Variants in CSRNP3 observed in about 807,000 individuals in gnomAD.
CSRNP3 encodes the protein cysteine/serine-rich nuclear protein 3.
Under a neutral mutation model 48.0 loss-of-function variants are expected in CSRNP3, and 12 were observed. The ratio of observed to expected loss-of-function variants is 0.25; its 90% CI spans 0.16 to 0.41. The LOEUF (loss-of-function observed/expected upper bound fraction) is 0.41, where lower values mean the gene tolerates loss of function less well. CSRNP3 is among the 10% of genes least tolerant of loss of function. CSRNP3 has a pLI of 1.00. For synonymous variants in CSRNP3, 263 were observed against 269.7 expected (o/e 0.98, Z 0.24); for missense variants, 580 against 724.4 (o/e 0.80, Z 2.29).
At chr2:165,537,049 C>G (rs962256577) in intron 3 of CSRNP3, among the ~76,000 whole-genome samples, 2 of 151,686 alleles carry the variant, frequency 1.3e-5, no homozygotes, top group Non-Finnish European at 2.9e-5. Flanking sequence ...CCTTTCCTCC[C>G]TTTATCTCTC....
Position 165,553,874 on chromosome 2 carries a change from A to G in CSRNP3, c.-24+35913A>G, listed in dbSNP as rs948296566. Among the ~76,000 whole-genome samples, 7 of 152,284 alleles carry G rather than the reference A, an allele frequency of 4.6e-5. No homozygotes were observed. In the East Asian group the frequency reaches 7.7e-4, roughly 17 times the overall value. On this transcript the variant is annotated intron_variant, in intron 3 of 6. Transcript: ENST00000651982. ...CAGCATATAAATATACTGGCTTTTA[A>G]AAAAATTTACAAATGAAAAGTTTCC...
chr2:165,666,297 AAGAG>A (rs557006901), intron 5 of CSRNP3, among the ~76,000 whole-genome samples: 1 of 126,722 alleles, frequency 7.9e-6, no homozygotes, highest in South Asian at 2.9e-4. Flanking sequence ...GAGAGGAAGA[AAGAG>A]AGAGGAAGGA....
intron 4 of CSRNP3, among the ~76,000 whole-genome samples, chr2:165,649,067 G>A (rs915696062): frequency 2.6e-5 from 4 of 152,136 alleles, no homozygotes; most frequent in Non-Finnish European, 2.9e-5. Flanking sequence ...GGATGACGAC[G>A]TGACATGCAT....
chr2:165,578,889 A>G (rs1685496210), intron 3 of CSRNP3, among the ~76,000 whole-genome samples: 1 of 152,134 alleles, frequency 6.6e-6, no homozygotes. Context: ...GTACTCTGAC[A>G]TTTACAAGCC....
At chr2:165,527,966 A>AAGAG (rs946041237) in intron 3 of CSRNP3, among the ~76,000 whole-genome samples, 2 of 151,424 alleles carry the variant, frequency 1.3e-5, no homozygotes, top group Admixed American at 1.3e-4. Flanking sequence ...AAAGAGAAAA[A>AAGAG]AGAGAGAGAG....
intron 5 of CSRNP3, among the ~76,000 whole-genome samples, chr2:165,667,050 G>GA (rs376648708): frequency 1.2e-4 from 1 of 8,610 alleles, no homozygotes; most frequent in Non-Finnish European, 2.6e-4. Context: ...AAGAGAGAGA[G>GA]AAAGGAAGGA....
chr2:165,613,235 C>T (rs1318992423), intron 4 of CSRNP3, among the ~76,000 whole-genome samples: 1 of 152,092 alleles, frequency 6.6e-6, no homozygotes, highest in African/African-American at 2.4e-5. Context: ...AGAAAAATAA[C>T]TGTTCAGATC....
rs747366779 is a variant in CSRNP3, at chr2:165,679,221, T to G, written c.1226T>G (p.Val409Gly). ...THAEVVPLPS[V>G]LCYSDGTAVH... Reference sequence around the variant, plus strand: ...GCCGAAGTTGTCCCTCTTCCTTCAGTTCTTTGTTATTCTGATGGCACCGCC... The same window carrying G: ...GCCGAAGTTGTCCCTCTTCCTTCAGGTCTTTGTTATTCTGATGGCACCGCC... The change falls in exon 7 of 7, where the codon GTT becomes GGT. Residue 409 changes from valine to glycine, a missense_variant. Physicochemically the swap from Val to Gly is moderately radical, Grantham distance 109. This residue lies in a region of CSRNP3 where 369 missense variants were observed against 380.8 expected (regional missense o/e 0.97). Coordinates refer to ENST00000651982, the MANE Select transcript of CSRNP3 (RefSeq NM_001172173.2). 4.3e-6 allele frequency: 7 copies of G among 1,613,810 alleles called. No homozygotes were observed. In the African/African-American group the frequency reaches 6.7e-5, roughly 15 times the overall value.
intron 4 of CSRNP3, among the ~76,000 whole-genome samples, chr2:165,654,393 A>G (rs1211635585): frequency 5.9e-5 from 9 of 152,244 alleles, no homozygotes; most frequent in Non-Finnish European, 1.2e-4. Flanking sequence ...GAATATATAC[A>G]TAAATAAATG....
At chr2:165,505,697 T>A (rs934748867) in intron 2 of CSRNP3, among the ~76,000 whole-genome samples, 2 of 152,206 alleles carry the variant, frequency 1.3e-5, no homozygotes, top group Admixed American at 1.3e-4. Context: ...GAGGTTTTTT[T>A]AATTTAAATT....
At chr2:165,520,786 T>TATACATATATATATATATTATATAC (rs1553472389) in intron 3 of CSRNP3, among the ~76,000 whole-genome samples, 40 of 4,894 alleles carry the variant, frequency 8.2e-3, no homozygotes, top group African/African-American at 0.039. Flanking sequence ...ATATATATTA[T>TATACATATATATATATATTATATAC]ATATATATAT....
At chr2:165,639,240 G>A (rs1404233084) in intron 4 of CSRNP3, among the ~76,000 whole-genome samples, 2 of 152,150 alleles carry the variant, frequency 1.3e-5, no homozygotes, top group African/African-American at 2.4e-5. Context: ...TGCAAATAAT[G>A]TGGCACTAAG....
At chr2:165,581,184 T>C (rs992070582) in intron 3 of CSRNP3, among the ~76,000 whole-genome samples, 4 of 152,192 alleles carry the variant, frequency 2.6e-5, no homozygotes, top group African/African-American at 9.6e-5. Context: ...TGCCAAATGA[T>C]GATCAATGTT....
At chr2:165,520,809 A>C (rs1169692493) in intron 3 of CSRNP3, among the ~76,000 whole-genome samples, 1 of 29,368 alleles carries the variant, frequency 3.4e-5, no homozygotes, top group Non-Finnish European at 6.2e-5. Flanking sequence ...ATATATATAT[A>C]TATATATATA....
At chr2:165,533,581 G>C (rs1684843915) in intron 3 of CSRNP3, among the ~76,000 whole-genome samples, 1 of 152,072 alleles carries the variant, frequency 6.6e-6, no homozygotes, top group African/African-American at 2.4e-5. Flanking sequence ...AATGAGAGCA[G>C]AACCAATTTT....
intron 1 of CSRNP3, among the ~76,000 whole-genome samples, chr2:165,490,394 A>G (rs1459565437): frequency 7.0e-6 from 1 of 142,140 alleles, no homozygotes; most frequent in African/African-American, 2.7e-5. Context: ...TACAGATTCA[A>G]TGCCATCCCC....
chr2:165,518,586 T>C (rs1684610296), intron 3 of CSRNP3, among the ~76,000 whole-genome samples: 1 of 152,018 alleles, frequency 6.6e-6, no homozygotes, highest in African/African-American at 2.4e-5. Flanking sequence ...AACAAATTAA[T>C]GTACAATATT....
intron 5 of CSRNP3, among the ~76,000 whole-genome samples, chr2:165,665,745 C>T (rs560128318): frequency 1.5e-4 from 20 of 135,090 alleles, no homozygotes; most frequent in Non-Finnish European, 2.6e-4. Flanking sequence ...GGGTCCCAGG[C>T]GACAGAGTGA....
chr2:165,636,159 A>G (rs905959341), intron 4 of CSRNP3, among the ~76,000 whole-genome samples: 1 of 152,222 alleles, frequency 6.6e-6, no homozygotes, highest in Non-Finnish European at 1.5e-5. Flanking sequence ...CCATTGGCTC[A>G]AATGACCTTT....
Sources: gnomAD v4.1 joint callset for allele counts (sites outside exome capture counted in the v4.1 genomes callset) on GRCh38, gnomAD v4.1.1 for gene constraint, gnomAD v4.1.1 regional missense constraint, MANE v1.5 for transcripts, NCBI Gene and HGNC (gene_info 2026-07-23, HGNC 2026-07-21) for gene names.